NBPF11: variants seen among roughly 807,000 people sequenced by gnomAD.
NBPF11 encodes NBPF member 11, also known as NBPF family member NBPF11.
In NBPF11, 72 loss-of-function variants were observed where a neutral mutation model predicts 93.9. That is an observed-to-expected ratio of 0.77 (90% CI 0.63 to 0.93). The LOEUF (loss-of-function observed/expected upper bound fraction) is 0.93, where lower values mean the gene tolerates loss of function less well. Ranked by LOEUF, NBPF11 falls within the 40% of genes least tolerant of loss-of-function variation. The probability of loss-of-function intolerance (pLI) is 0.00; values close to 1 mark genes in which losing one functional copy is unlikely to be tolerated. For missense variants in NBPF11, 705 were observed against 802.2 expected, an observed-to-expected ratio of 0.88 and a Z score of 1.46; for synonymous variants, 224 against 304.9, an observed-to-expected ratio of 0.73 and a Z score of 2.76.
intron 13 of NBPF11, 92 bp downstream of exon 13, chr1:148,116,371 T>A: frequency 3.1e-6 from 2 of 636,448 alleles, no homozygotes; most frequent in East Asian, 2.7e-5. Context: ...AATGCGGGTT[T>A]TTGGCCCATC....
chr1:148,118,783 C>T (rs1302510065), intron 10 of NBPF11, 61 bp from the exon 11 acceptor site: 2 of 1,402,052 alleles, frequency 1.4e-6, no homozygotes, highest in Non-Finnish European at 2.0e-6. Flanking sequence ...GTGGTCATTG[C>T]CTACAGGGCA....
Position 148,108,486 on chromosome 1 carries a change from C to T in NBPF11, c.2022G>A (p.Met674Ile), listed in dbSNP as rs199884929. Residue 674 changes from methionine to isoleucine, a missense_variant, in exon 18 of 24, where the codon ATG (methionine) becomes ATA (isoleucine). Physicochemically the swap from Met to Ile is conservative, Grantham distance 10 (BLOSUM62 1). Coordinates refer to ENST00000682118, the MANE Select transcript of NBPF11 (RefSeq NM_001385469.3). ...CCTTCATAGAAAGGTACTCACCATC[C>T]ATGTCAACAGCCAAGCCAATACGCT... ...EQQRIGLAVD[M>I]DEIEKYQEVE... 1.4e-3 allele frequency: 2,153 copies of T among 1,554,964 alleles called. 2 individuals are homozygous for T. The highest frequency in any genetic ancestry group is 1.5e-3 in the Non-Finnish European group (1,748 of 1,130,234).
intron 5 of NBPF11, among the ~76,000 whole-genome samples, chr1:148,125,448 A>G (rs79050240): frequency 3.4e-4 from 51 of 152,040 alleles, no homozygotes; most frequent in Non-Finnish European, 1.5e-4. Context: ...ATATGTCAAG[A>G]ACTTTAAAAA....
intron 23 of NBPF11, among the ~76,000 whole-genome samples, chr1:148,104,249 T>C: frequency 6.9e-6 from 1 of 145,216 alleles, no homozygotes; most frequent in Admixed American, 6.8e-5. Flanking sequence ...ACTGTGATCA[T>C]GAAAAGAGTG....
intron 3 of NBPF11, among the ~76,000 whole-genome samples, chr1:148,137,201 C>T (rs1483534535): frequency 1.3e-5 from 2 of 151,900 alleles, no homozygotes; most frequent in African/African-American, 4.9e-5. Flanking sequence ...CATGACAGAG[C>T]TTTGTGTGGC....
At chr1:148,138,006 T>C (rs1161352589) in intron 2 of NBPF11, among the ~76,000 whole-genome samples, 197 bp from the exon 3 acceptor site, 1 of 151,216 alleles carries the variant, frequency 6.6e-6, no homozygotes, top group East Asian at 2.0e-4. Flanking sequence ...GTTCCCTTAG[T>C]ATTTATTGAT....
At chr1:148,122,291 T>G in intron 8 of NBPF11, 25 bp from the exon 9 acceptor site, 1 of 1,609,904 alleles carries the variant, frequency 6.2e-7, no homozygotes, top group Non-Finnish European at 8.5e-7. Flanking sequence ...GGGACAGAGA[T>G]GACAGAAGAT....
chr1:148,135,959 T>C, intron 3 of NBPF11, 146 bp from the exon 4 acceptor site: 1 of 636,462 alleles, frequency 1.6e-6, no homozygotes, highest in South Asian at 1.8e-5. Flanking sequence ...CTTTACATGA[T>C]TAAACTCCTT....
intron 3 of NBPF11, among the ~76,000 whole-genome samples, chr1:148,136,294 G>A (rs1489691119): frequency 4.2e-4 from 64 of 151,732 alleles, no homozygotes; most frequent in East Asian, 7.7e-4. Context: ...AGTTTTATTC[G>A]TAATAGGAAA....
chr1:148,121,429 G>T lies in NBPF11; in HGVS notation c.778+626C>A, dbSNP rs1282691546. Among the ~76,000 whole-genome samples the T allele has an allele frequency of 3.4e-5, 5 of 147,610 alleles. 1 individual carries two copies. Among genetic ancestry groups the T allele is most frequent in the Admixed American group, 2.1e-4 (3 of 14,412 alleles). On this transcript the variant is annotated intron_variant, in intron 9 of 23. Transcript: ENST00000682118. ...GTGCCACAGTCTCGGCTCACTGCAA[G>T]ATCCGGTTCCTGGGTTCATGCCATT... is the stretch of plus-strand genomic sequence containing the variant.
intron 9 of NBPF11, among the ~76,000 whole-genome samples, chr1:148,121,244 A>G (rs1667748299): frequency 6.6e-6 from 1 of 151,574 alleles, no homozygotes; most frequent in Non-Finnish European, 1.5e-5. Flanking sequence ...GGGTTTCGCC[A>G]TCTTGGACAG....
intron 4 of NBPF11, among the ~76,000 whole-genome samples, chr1:148,130,818 C>T (rs1670201125): frequency 1.3e-5 from 2 of 151,840 alleles, no homozygotes; most frequent in Admixed American, 6.6e-5. Context: ...CAACCCTCAG[C>T]CCCAAGGAGC....
At chr1:148,105,741 CACACAA>C (rs1663415280) in intron 21 of NBPF11, among the ~76,000 whole-genome samples, 2 of 100,572 alleles carry the variant, frequency 2.0e-5, no homozygotes, top group Non-Finnish European at 3.6e-5. Context: ...CACACACACA[CACACAA>C]ACACACACAC....
chr1:148,106,754 G>C (rs1386631992), intron 20 of NBPF11, among the ~76,000 whole-genome samples, 188 bp downstream of exon 20: 2 of 148,484 alleles, frequency 1.3e-5, no homozygotes, highest in Non-Finnish European at 3.0e-5. Flanking sequence ...ATAGAGCCTT[G>C]CTCACTGACC....
intron 1 of NBPF11, among the ~76,000 whole-genome samples, chr1:148,147,610 G>C (rs1673390582): frequency 6.6e-6 from 1 of 151,952 alleles, no homozygotes. Flanking sequence ...GTCTCGTCCT[G>C]GCCCTGCCCA....
chr1:148,142,008 G>T (rs1210642937), intron 2 of NBPF11, among the ~76,000 whole-genome samples: 33 of 145,102 alleles, frequency 2.3e-4, no homozygotes, highest in African/African-American at 8.5e-4. Flanking sequence ...GAGGGAAGGA[G>T]GGAGGGAGGA....
intron 4 of NBPF11, among the ~76,000 whole-genome samples, chr1:148,132,132 A>ATGTGTG (rs1250109681): frequency 2.1e-5 from 3 of 142,050 alleles, no homozygotes; most frequent in African/African-American, 5.3e-5. Context: ...CAATATATAT[A>ATGTGTG]TGTGTGTGTG....
chr1:148,121,612 C>T (rs1389669432), intron 9 of NBPF11, among the ~76,000 whole-genome samples: 1 of 151,766 alleles, frequency 6.6e-6, no homozygotes, highest in Non-Finnish European at 1.5e-5. Flanking sequence ...GCCTCGGCCT[C>T]CCAAAGTGCT....
At chr1:148,138,027 C>T (rs1208552363) in intron 2 of NBPF11, among the ~76,000 whole-genome samples, 9 of 151,334 alleles carry the variant, frequency 5.9e-5, no homozygotes, top group East Asian at 3.9e-4. Context: ...CATTATTGGG[C>T]GTTTCCGGAG....
Sources: gnomAD v4.1 joint callset for allele counts (sites outside exome capture counted in the v4.1 genomes callset) on GRCh38, gnomAD v4.1.1 for gene constraint, MANE v1.5 for transcripts, NCBI Gene and HGNC (gene_info 2026-07-23, HGNC 2026-07-21) for gene names.